The following ZNF560 variants were observed in gnomAD, a reference collection of about 807,000 sequenced individuals.
ZNF560 encodes zinc finger protein 560.
A neutral mutation model predicts 81.8 loss-of-function variants in ZNF560; 54 were observed. The ratio of observed to expected loss-of-function variants is 0.66; its 90% CI spans 0.53 to 0.83. ZNF560 has a LOEUF of 0.83. Among genes scored for constraint, ZNF560 ranks in the 40% least tolerant of loss-of-function variants. ZNF560 has a pLI of 0.00. For synonymous variants in ZNF560, 321 were observed against 317.9 expected (o/e 1.01, Z -0.10); for missense variants, 940 against 932.4 (o/e 1.01, Z -0.11).
At chr19:9,452,346 T>G in the ZNF560 span, among the ~76,000 whole-genome samples, 1 of 152,060 alleles carries the variant, frequency 6.6e-6, no homozygotes, top group Non-Finnish European at 1.5e-5. Flanking sequence ...TGTGGAGACT[T>G]CTCAAAAGAA....
At chr19:9,496,195 G>A (rs991497118) in intron 2 of ZNF560, among the ~76,000 whole-genome samples, 7 of 152,134 alleles carry the variant, frequency 4.6e-5, no homozygotes, top group Middle Eastern at 3.4e-3. Flanking sequence ...TATTCTGGGC[G>A]TCCTGCAAGG....
chr19:9,470,152 T>C (rs1229833083), intron 7 of ZNF560, among the ~76,000 whole-genome samples: 2 of 152,192 alleles, frequency 1.3e-5, no homozygotes, highest in South Asian at 2.1e-4. Context: ...AGTCTGAGAA[T>C]GTACACATAT....
At chr19:9,503,091 C>T (rs1450664150), upstream of ZNF560, among the ~76,000 whole-genome samples, 1 of 151,998 alleles carries the variant, frequency 6.6e-6, no homozygotes, top group East Asian at 1.9e-4. Context: ...TAATGTGGCT[C>T]ACACCTGTAC....
At chr19:9,477,906 G>A (rs1639033480) in intron 2 of ZNF560, among the ~76,000 whole-genome samples, 3 of 152,060 alleles carry the variant, frequency 2.0e-5, no homozygotes, top group Admixed American at 2.0e-4. Context: ...AGATTCAAGG[G>A]ACATCATCAA....
upstream of ZNF560, among the ~76,000 whole-genome samples, chr19:9,501,790 A>C (rs1180608827): frequency 6.6e-6 from 1 of 151,510 alleles, no homozygotes; most frequent in Non-Finnish European, 1.5e-5. Flanking sequence ...ATGAGCCACC[A>C]CTCCCAGCAA....
intron 5 of ZNF560, among the ~76,000 whole-genome samples, chr19:9,472,055 A>T (rs894857395): frequency 3.3e-5 from 5 of 151,668 alleles, no homozygotes; most frequent in Non-Finnish European, 7.4e-5. Flanking sequence ...GGTTGCGGTG[A>T]GCCAAGATCG....
At position 9,468,119 on chromosome 19, in the gene ZNF560, C is replaced by T. The variant is rs1487554038; in HGVS notation, c.828G>A (p.Leu276=). The T allele has an allele frequency of 1.9e-6, 3 of 1,613,920 alleles. No homozygotes were observed. The Admixed American group carries it at 5.0e-5, about 27-fold the overall frequency. ...TTCTCTGGACCTGAACATTTAAAAT[C>T]AGGCGGAAAGATTTTCCATGCTTAC... ...VFSKHGKSFR[L]ILNVQVQRKC... The change falls in exon 10 of 10, where the codon CTG becomes CTA. Residue 276 remains leucine (L), a synonymous_variant. Transcript: ENST00000301480.
intron 2 of ZNF560, among the ~76,000 whole-genome samples, chr19:9,497,102 C>G (rs1453759731): frequency 6.7e-6 from 1 of 150,264 alleles, no homozygotes; most frequent in Admixed American, 6.6e-5. Context: ...GGCAACAAGG[C>G]AACATCCTGC....
downstream of ZNF560, among the ~76,000 whole-genome samples, chr19:9,461,796 G>A (rs1449982274): frequency 6.6e-6 from 1 of 152,176 alleles, no homozygotes; most frequent in Non-Finnish European, 1.5e-5. Context: ...ATAAAAAAAA[G>A]TATCTGGAAG....
chr19:9,483,087 C>T (rs1300735326), intron 2 of ZNF560, among the ~76,000 whole-genome samples: 2 of 152,116 alleles, frequency 1.3e-5, no homozygotes, highest in Non-Finnish European at 1.5e-5. Context: ...GCCGCCACCC[C>T]GTCTGGGAAG....
rs185875338 is a variant in ZNF560, at chr19:9,484,667, G to A, written c.-56-9298C>T. Among the ~76,000 whole-genome samples, 132 of 150,314 alleles carry A rather than the reference G, an allele frequency of 8.8e-4. 1 individual carries two copies. The highest frequency in any genetic ancestry group is 3.5e-3 in the Middle Eastern group (1 of 284). On this transcript the variant is annotated intron_variant, in intron 2 of 9. Transcript: ENST00000301480. ...AAAAATTAGCCAGGCGTCACAGCGC[G>A]CGCTACTTGGGAGGCTGAGGCAGGA...
At chr19:9,465,222 C>T (rs1568447728), downstream of ZNF560, among the ~76,000 whole-genome samples, 2 of 151,420 alleles carry the variant, frequency 1.3e-5, no homozygotes, top group Admixed American at 6.6e-5. Context: ...CCTCTGCCTC[C>T]CTGGTTGAAG....
intron 2 of ZNF560, among the ~76,000 whole-genome samples, chr19:9,489,907 T>C (rs1387474279): frequency 3.9e-5 from 6 of 152,188 alleles, no homozygotes; most frequent in African/African-American, 9.7e-5. Context: ...TGTATTTCTT[T>C]ATAGCAATGT....
chr19:9,502,010 T>A (rs1160727699), upstream of ZNF560, among the ~76,000 whole-genome samples: 1 of 151,568 alleles, frequency 6.6e-6, no homozygotes, highest in Admixed American at 6.6e-5. Context: ...AAAAATTGGC[T>A]GGGCATGGTG....
chr19:9,483,528 G>T (rs1030390565), intron 2 of ZNF560, among the ~76,000 whole-genome samples: 8 of 149,020 alleles, frequency 5.4e-5, no homozygotes, highest in Admixed American at 6.6e-5. Flanking sequence ...CCGTCCGGGA[G>T]GGGGGTGGGG....
At chr19:9,457,194 AAATG>A in the ZNF560 span, among the ~76,000 whole-genome samples, 1 of 152,224 alleles carries the variant, frequency 6.6e-6, no homozygotes, top group Non-Finnish European at 1.5e-5. Flanking sequence ...AAAACCAGGT[AAATG>A]GAGAATGTTA....
chr19:9,457,820 G>C, the ZNF560 span, among the ~76,000 whole-genome samples: 44 of 152,288 alleles, frequency 2.9e-4, no homozygotes, highest in Middle Eastern at 6.8e-3. Flanking sequence ...TATGCCATGA[G>C]TACTCTGTTT....
rs747997186 is a variant in ZNF560, at chr19:9,474,320, G to A, written c.36C>T (p.Ser12=). Residue 12 remains serine (S), a synonymous_variant, in exon 4 of 10, where the codon TCC becomes TCT. Coordinates refer to ENST00000301480, the MANE Select transcript of ZNF560 (RefSeq NM_152476.3). The part of the protein sequence containing the change: ...AYCLTNCYQY[S]VTFEDTAVDF... ...CCACAGCTGTATCCTCAAAGGTCACGGAGTACTAAACCATCACATACATGT... is the reference window on the plus strand; with the variant it reads ...CCACAGCTGTATCCTCAAAGGTCACAGAGTACTAAACCATCACATACATGT... 33 of 1,612,268 alleles carry A rather than the reference G, an allele frequency of 2.0e-5. No homozygotes were observed. The highest frequency in any genetic ancestry group is 5.5e-5 in the South Asian group (5 of 90,692).
intron 9 of ZNF560, among the ~76,000 whole-genome samples, chr19:9,468,779 G>T (rs571314188): frequency 1.4e-5 from 2 of 143,260 alleles, no homozygotes; most frequent in Admixed American, 7.3e-5. Context: ...CCAGGCTGTA[G>T]TGTGCAGTGG....
Sources: gnomAD v4.1 joint callset for allele counts (sites outside exome capture counted in the v4.1 genomes callset) on GRCh38, gnomAD v4.1.1 for gene constraint, MANE v1.5 for transcripts, NCBI Gene and HGNC (gene_info 2026-07-23, HGNC 2026-07-21) for gene names.